Variants in ARHGEF12 observed in about 807,000 individuals in gnomAD.
ARHGEF12 encodes KMT2A/ARHGEF12 fusion protein.
Under a neutral mutation model 211.2 loss-of-function variants are expected in ARHGEF12, and 66 were observed. The observed-to-expected ratio is 0.31, with a 90% CI of 0.26 to 0.38. The LOEUF is 0.38. Ranked by LOEUF, ARHGEF12 falls within the 10% of genes least tolerant of loss-of-function variation. The pLI is 1.00. For missense variants in ARHGEF12, 1,429 were observed against 1,869.5 expected (o/e 0.76, Z 4.34); for synonymous variants, 592 against 638.4 (o/e 0.93, Z 1.09).
At chr11:120,481,811 G>A (rs1338407247) in intron 39 of ARHGEF12, among the ~76,000 whole-genome samples, 2 of 148,608 alleles carry the variant, frequency 1.3e-5, no homozygotes, top group African/African-American at 5.0e-5. Context: ...CCAGGCTAGA[G>A]TGCAGTGGCG....
intron 21 of ARHGEF12, chr11:120,450,199 T>C (rs1173611574): frequency 6.6e-6 from 1 of 152,102 alleles, no homozygotes; most frequent in East Asian, 1.9e-4. Context: ...AGTGAGACCC[T>C]GCCTCTACAA....
At position 120,480,180 on chromosome 11, in the gene ARHGEF12, G is replaced by T; in HGVS notation, c.3987G>T (p.Arg1329=). The T allele has an allele frequency of 6.2e-7, 1 of 1,614,240 alleles. No individual in the cohort carries two copies. The highest frequency in any genetic ancestry group is 1.1e-5 in the South Asian group (1 of 91,084). The stretch of plus-strand genomic sequence containing the variant: ...ACATTGCAACTTGTTACAGTCCACG[G>T]ACTTCAACTGAATCTTTTGCTCCAC... ...TGDIATCYSP[R]TSTESFAPRD... Residue 1329 remains arginine, a synonymous_variant, in exon 38 of 41, where the codon CGG becomes CGT. Transcript: ENST00000397843.
At chr11:120,370,669 A>G (rs678463) in intron 1 of ARHGEF12, among the ~76,000 whole-genome samples, 36 of 152,272 alleles carry the variant, frequency 2.4e-4, no homozygotes, top group African/African-American at 8.7e-4. Context: ...AATTGTATCC[A>G]AAAGTCTTAA....
In ARHGEF12 at chr11:120,350,721, G is replaced by C. The variant is rs140646169; in HGVS notation, c.32+13446G>C. On this transcript the variant is annotated intron_variant, in intron 1 of 40. Transcript: ENST00000397843. ...AGACCAAAATGGAAAAGACATTGGTGTAAGTTGGAATCTAAGAAGTTTTAG... is the reference window on the plus strand; with the variant it reads ...AGACCAAAATGGAAAAGACATTGGTCTAAGTTGGAATCTAAGAAGTTTTAG... Among the ~76,000 whole-genome samples the C allele has an allele frequency of 1.7e-4, 26 of 152,262 alleles. No homozygotes were observed. In the East Asian group the frequency reaches 4.2e-3, roughly 25 times the overall value.
intron 1 of ARHGEF12, among the ~76,000 whole-genome samples, chr11:120,340,039 T>C (rs895428604): frequency 2.0e-5 from 3 of 152,220 alleles, no homozygotes; most frequent in Admixed American, 6.5e-5. Flanking sequence ...AAAAAAATGG[T>C]AAGCAATTTA....
At position 120,485,228 on chromosome 11, in the gene ARHGEF12, G is replaced by T; in HGVS notation, c.*151G>T. The T allele has an allele frequency of 1.2e-6, 1 of 858,242 alleles. No individual in the cohort carries two copies. The highest frequency in any genetic ancestry group is 1.9e-6 in the Non-Finnish European group (1 of 536,260). 53.2% of individuals were successfully genotyped at this position (858,242 alleles called of 1,614,324 possible). A position where few individuals can be genotyped will look rare whatever the true frequency, so the allele number is the denominator to read the frequency against. On this transcript the variant is annotated 3_prime_UTR_variant, in exon 41 of 41. Coordinates refer to ENST00000397843, the MANE Select transcript of ARHGEF12 (RefSeq NM_015313.3). Reference sequence around the variant, plus strand: ...GATTAGTCAAGTCCCAAGGTGCCCAGAGTGGGACTAGTTCTTCACAGTGTG... The same window carrying T: ...GATTAGTCAAGTCCCAAGGTGCCCATAGTGGGACTAGTTCTTCACAGTGTG...
At chr11:120,451,401 T>A (rs1591609616) in intron 21 of ARHGEF12, 111 bp from the exon 22 acceptor site, 1 of 900,618 alleles carries the variant, frequency 1.1e-6, no homozygotes, top group Non-Finnish European at 1.7e-6. Flanking sequence ...ATGGTCTCGA[T>A]CTCCTGACCT....
chr11:120,389,933 A>G (rs1377449510), intron 1 of ARHGEF12, among the ~76,000 whole-genome samples: 1 of 152,142 alleles, frequency 6.6e-6, no homozygotes, highest in Non-Finnish European at 1.5e-5. Flanking sequence ...GTTTGTTGAT[A>G]GATACTTAGG....
intron 1 of ARHGEF12, among the ~76,000 whole-genome samples, chr11:120,378,901 A>G (rs993922351): frequency 2.0e-5 from 3 of 152,108 alleles, no homozygotes; most frequent in Non-Finnish European, 2.9e-5. Flanking sequence ...AAGTCTTCCA[A>G]TTTTGTTGTT....
intron 8 of ARHGEF12, 106 bp downstream of exon 8, chr11:120,428,353 G>C: frequency 1.0e-6 from 1 of 965,868 alleles, no homozygotes; most frequent in South Asian, 3.4e-5. Context: ...TTAAATTTAA[G>C]ATTTTAGAAA....
chr11:120,383,036 G>A (rs1335423269), intron 1 of ARHGEF12, among the ~76,000 whole-genome samples: 1 of 152,198 alleles, frequency 6.6e-6, no homozygotes, highest in Non-Finnish European at 1.5e-5. Flanking sequence ...CTGCTTGGGA[G>A]GCTGAGGCAG....
chr11:120,457,692 A>G (rs1248337859), intron 23 of ARHGEF12, 29 bp from the exon 24 acceptor site: 15 of 1,567,784 alleles, frequency 9.6e-6, no homozygotes, highest in Non-Finnish European at 1.2e-5. Context: ...TTTTGTTTTC[A>G]TGTTACTCTT....
intron 7 of ARHGEF12, among the ~76,000 whole-genome samples, chr11:120,425,328 A>C (rs1242528775): frequency 7.2e-6 from 1 of 138,984 alleles, no homozygotes; most frequent in African/African-American, 2.6e-5. Context: ...GAGAGATTTT[A>C]TGTTTTCTTG....
Position 120,358,226 on chromosome 11 carries a change from A to T in ARHGEF12, c.32+20951A>T, listed in dbSNP as rs189864340. On this transcript the variant is annotated intron_variant, in intron 1 of 40. Transcript: ENST00000397843. ...TTTTCAGTAATCCATATGAAAAATGATACTAATAAATTCCTAAACTGAAGT... is the reference window on the plus strand; with the variant it reads ...TTTTCAGTAATCCATATGAAAAATGTTACTAATAAATTCCTAAACTGAAGT... Among the ~76,000 whole-genome samples, 898 of 152,312 alleles carry T rather than the reference A, an allele frequency of 5.9e-3. 6 individuals are homozygous for T. Among genetic ancestry groups the T allele is most frequent in the Non-Finnish European group, 0.011 (735 of 68,028 alleles).
At chr11:120,482,661 C>T (rs1947282221) in intron 39 of ARHGEF12, among the ~76,000 whole-genome samples, 1 of 151,628 alleles carries the variant, frequency 6.6e-6, no homozygotes, top group Non-Finnish European at 1.5e-5. Flanking sequence ...AGGAGAATGG[C>T]ATGAACCTGG....
At chr11:120,410,238 A>G (rs1944839210) in intron 4 of ARHGEF12, 1 of 149,824 alleles carries the variant, frequency 6.7e-6, no homozygotes. Context: ...TTTCCTTTGC[A>G]GTTTTATTTG....
chr11:120,431,247 G>C (rs1235458968), intron 10 of ARHGEF12, among the ~76,000 whole-genome samples: 2 of 152,004 alleles, frequency 1.3e-5, no homozygotes, highest in African/African-American at 4.8e-5. Flanking sequence ...CCGAGATCCT[G>C]CCACTACACT....
chr11:120,451,461 G>A, intron 21 of ARHGEF12, 51 bp from the exon 22 acceptor site: 2 of 1,579,406 alleles, frequency 1.3e-6, no homozygotes, highest in African/African-American at 2.7e-5. Flanking sequence ...ATAGGCTTGA[G>A]CCACCGCACC....
intron 1 of ARHGEF12, among the ~76,000 whole-genome samples, chr11:120,399,226 A>G (rs1407888492): frequency 7.2e-6 from 1 of 139,242 alleles, no homozygotes; most frequent in Non-Finnish European, 1.5e-5. Context: ...AGGCTAAGGT[A>G]GGAGGATTCC....
Sources: gnomAD v4.1 joint callset for allele counts (sites outside exome capture counted in the v4.1 genomes callset) on GRCh38, gnomAD v4.1.1 for gene constraint, MANE v1.5 for transcripts, NCBI Gene and HGNC (gene_info 2026-07-23, HGNC 2026-07-21) for gene names.